Variants in TMEM132D observed in about 807,000 individuals in gnomAD.
The protein encoded by TMEM132D is transmembrane protein 132D, also known as mature OL transmembrane protein.
Under a neutral mutation model 62.3 loss-of-function variants are expected in TMEM132D, and 21 were observed. That is an observed-to-expected ratio of 0.34 (90% CI 0.24 to 0.49). The LOEUF (loss-of-function observed/expected upper bound fraction) is 0.49, where lower values mean the gene tolerates loss of function less well. Ranked by LOEUF, TMEM132D falls within the 20% of genes least tolerant of loss-of-function variation. TMEM132D has a pLI of 0.99. For missense variants in TMEM132D, 1,346 were observed against 1,402.8 expected (o/e 0.96, Z 0.65); for synonymous variants, 621 against 575.6 (o/e 1.08, Z -1.13).
chr12:129,663,157 G>C (rs976844851), intron 2 of TMEM132D, among the ~76,000 whole-genome samples: 1 of 150,592 alleles, frequency 6.6e-6, no homozygotes, highest in Non-Finnish European at 1.5e-5. Context: ...TTTTCCTTTT[G>C]AGATGGAGTT....
chr12:129,365,480 G>A (rs906588803), intron 3 of TMEM132D, among the ~76,000 whole-genome samples: 8 of 152,130 alleles, frequency 5.3e-5, no homozygotes, highest in African/African-American at 9.7e-5. Flanking sequence ...ATAAATGCCC[G>A]TCTTAGGAGG....
chr12:129,703,585 G>T (rs1438274915), intron 1 of TMEM132D, among the ~76,000 whole-genome samples: 1 of 151,802 alleles, frequency 6.6e-6, no homozygotes, highest in Non-Finnish European at 1.5e-5. Flanking sequence ...GTCACTAAAG[G>T]ACATGATTTT....
At chr12:129,841,930 C>T (rs939620977) in intron 1 of TMEM132D, among the ~76,000 whole-genome samples, 11 of 146,418 alleles carry the variant, frequency 7.5e-5, no homozygotes, top group Non-Finnish European at 1.5e-4. Flanking sequence ...TCGTGGTTTT[C>T]GTGTTTTTTT....
chr12:129,555,942 A>G lies in TMEM132D; in HGVS notation c.969-24737T>C, dbSNP rs536197571. Among the ~76,000 whole-genome samples, 72 of 152,334 alleles carry G rather than the reference A, an allele frequency of 4.7e-4. 1 individual carries two copies. The highest frequency in any genetic ancestry group is 1.7e-3 in the African/African-American group (69 of 41,582). The stretch of plus-strand genomic sequence containing the variant: ...AATTTAGGTGCAAATATAGAAATGT[A>G]TGAGAAAGCTGGACATACACATCAA... On this transcript the variant is annotated intron_variant, in intron 2 of 8. Transcript: ENST00000422113.
At chr12:129,503,972 T>A (rs1402243118) in intron 3 of TMEM132D, among the ~76,000 whole-genome samples, 1 of 148,890 alleles carries the variant, frequency 6.7e-6, no homozygotes, top group Non-Finnish European at 1.5e-5. Flanking sequence ...GTCATCATCA[T>A]CACTATTGTC....
At chr12:129,423,638 T>C (rs1171140560) in intron 3 of TMEM132D, among the ~76,000 whole-genome samples, 1 of 152,170 alleles carries the variant, frequency 6.6e-6, no homozygotes, top group Non-Finnish European at 1.5e-5. Flanking sequence ...GTAGGCATTC[T>C]ATGACGGGAA....
At chr12:129,839,010 G>A (rs1873093235) in intron 1 of TMEM132D, among the ~76,000 whole-genome samples, 1 of 146,812 alleles carries the variant, frequency 6.8e-6, no homozygotes, top group Non-Finnish European at 1.5e-5. Flanking sequence ...GGAGTGCAGT[G>A]GTGCAATCTC....
In TMEM132D at chr12:129,074,319, G is replaced by A. The variant is rs375992244; in HGVS notation, c.2856C>T (p.Phe952=). 15 of 1,613,930 alleles carry A rather than the reference G, an allele frequency of 9.3e-6. No homozygotes were observed. Among genetic ancestry groups the A allele is most frequent in the African/African-American group, 1.3e-5 (1 of 74,870 alleles). The part of the protein sequence containing the change: ...ALKYRHKQVP[F]EEQEGMSHSH... ...AGTGACTCATCCCTTCCTGCTCCTC[G>A]AAGGGAACCTGTTTGTGTCTGTATT... The change falls in exon 9 of 9, where the codon TTC becomes TTT. Residue 952 remains phenylalanine (F), a synonymous_variant. Transcript: ENST00000422113.
At chr12:129,514,834 T>C (rs1482334427) in intron 3 of TMEM132D, among the ~76,000 whole-genome samples, 2 of 152,076 alleles carry the variant, frequency 1.3e-5, no homozygotes, top group Non-Finnish European at 2.9e-5. Context: ...TGCAACACCC[T>C]CCAACCCCCT....
chr12:129,137,158 C>G (rs1251219262), intron 5 of TMEM132D, among the ~76,000 whole-genome samples: 1 of 143,516 alleles, frequency 7.0e-6, no homozygotes, highest in African/African-American at 2.6e-5. Context: ...TCATCACTAT[C>G]ACAATCACCA....
At chr12:129,720,948 C>T (rs1012017580) in intron 1 of TMEM132D, among the ~76,000 whole-genome samples, 3 of 152,210 alleles carry the variant, frequency 2.0e-5, no homozygotes, top group Admixed American at 6.5e-5. Context: ...CACTGCCCTC[C>T]AGGAGCTGAC....
intron 2 of TMEM132D, among the ~76,000 whole-genome samples, chr12:129,686,789 C>T (rs1376184908): frequency 2.0e-5 from 3 of 152,150 alleles, no homozygotes; most frequent in Non-Finnish European, 4.4e-5. Context: ...TGTCTTCCTA[C>T]ATTTCTTGGA....
chr12:129,284,995 C>T (rs1421542035), intron 4 of TMEM132D, among the ~76,000 whole-genome samples: 1 of 152,174 alleles, frequency 6.6e-6, no homozygotes, highest in Admixed American at 6.5e-5. Context: ...GATGTTTGCA[C>T]AGCATTGTGA....
At chr12:129,248,889 A>G (rs749498763) in intron 4 of TMEM132D, among the ~76,000 whole-genome samples, 3 of 152,106 alleles carry the variant, frequency 2.0e-5, no homozygotes, top group Non-Finnish European at 4.4e-5. Flanking sequence ...TTCTTTTTTT[A>G]TGGTTGCATA....
intron 3 of TMEM132D, among the ~76,000 whole-genome samples, chr12:129,492,317 T>A: frequency 6.6e-6 from 1 of 152,210 alleles, no homozygotes; most frequent in East Asian, 1.9e-4. Flanking sequence ...TGAAAAGCAA[T>A]TAATTTTTAT....
At chr12:129,380,587 CTCTATTTAGT>C (rs1175925777) in intron 3 of TMEM132D, among the ~76,000 whole-genome samples, 1 of 151,902 alleles carries the variant, frequency 6.6e-6, no homozygotes, top group Non-Finnish European at 1.5e-5. Context: ...GTGTGTGCAT[CTCTATTTAGT>C]TCTATACCAT....
intron 3 of TMEM132D, among the ~76,000 whole-genome samples, chr12:129,351,531 C>T (rs542349871): frequency 2.0e-5 from 3 of 152,144 alleles, no homozygotes; most frequent in African/African-American, 7.2e-5. Flanking sequence ...GTGCTTTGAT[C>T]GAAGCCGAAT....
At chr12:129,504,805 G>A (rs2137069811) in intron 3 of TMEM132D, among the ~76,000 whole-genome samples, 1 of 152,234 alleles carries the variant, frequency 6.6e-6, no homozygotes, top group African/African-American at 2.4e-5. Flanking sequence ...TGTGACCTTA[G>A]ATTGTCTGCT....
intron 1 of TMEM132D, among the ~76,000 whole-genome samples, chr12:129,740,739 G>GA (rs1030289355): frequency 1.3e-4 from 20 of 150,448 alleles, no homozygotes; most frequent in Non-Finnish European, 2.1e-4. Context: ...GGTACCTATT[G>GA]AAAAAAAAAT....
Sources: allele counts gnomAD v4.1 joint callset (sites outside exome capture counted in the v4.1 genomes callset), GRCh38; gene constraint gnomAD v4.1.1; transcripts MANE v1.5; gene names NCBI Gene and HGNC (gene_info 2026-07-23, HGNC 2026-07-21).